Variants in DTNB observed in about 807,000 individuals in gnomAD.
DTNB encodes dystrobrevin beta.
In DTNB, 63 loss-of-function variants were observed where a neutral mutation model predicts 90.7. The ratio of observed to expected loss-of-function variants is 0.69; its 90% CI spans 0.57 to 0.86. The LOEUF (loss-of-function observed/expected upper bound fraction) is 0.86. Among genes scored for constraint, DTNB ranks in the 40% least tolerant of loss-of-function variants. The pLI is 0.00. For synonymous variants in DTNB, 277 were observed against 286.7 expected (o/e 0.97, Z 0.34); for missense variants, 744 against 807.1 (o/e 0.92, Z 0.95).
Position 25,432,638 on chromosome 2 carries a change from C to T in DTNB, c.1457+248G>A, listed in dbSNP as rs76320578. On this transcript the variant is annotated intron_variant, in intron 14 of 20. Transcript: ENST00000406818. ...GCAATCACAGAAGTATAAACAGTGC[C>T]CTGCTGGTCCTGGAGCTGGGAGACT... Among the ~76,000 whole-genome samples the T allele has an allele frequency of 3.1e-4, 47 of 152,240 alleles. No homozygotes were observed. The East Asian group carries it at 5.8e-3, about 19-fold the overall frequency.
intron 6 of DTNB, among the ~76,000 whole-genome samples, chr2:25,588,575 G>A (rs1246260269): frequency 6.6e-6 from 1 of 152,144 alleles, no homozygotes; most frequent in East Asian, 1.9e-4. Flanking sequence ...ATGTTGGCCA[G>A]GATAGTCTCG....
At chr2:25,430,090 T>C (rs937868238) in intron 14 of DTNB, among the ~76,000 whole-genome samples, 2 of 152,068 alleles carry the variant, frequency 1.3e-5, no homozygotes, top group African/African-American at 4.8e-5. Context: ...ACAAAGGTGG[T>C]AGGGAATAAA....
intron 12 of DTNB, among the ~76,000 whole-genome samples, chr2:25,438,114 G>T (rs889742973): frequency 6.6e-6 from 1 of 152,148 alleles, no homozygotes; most frequent in Non-Finnish European, 1.5e-5. Context: ...CCCTGCAGCT[G>T]CTTGGGCTTG....
chr2:25,587,588 G>A (rs368141675), intron 6 of DTNB, among the ~76,000 whole-genome samples: 24 of 152,220 alleles, frequency 1.6e-4, no homozygotes, highest in African/African-American at 5.1e-4. Context: ...GTGGGGAAGC[G>A]GGGGGAAGGG....
intron 6 of DTNB, chr2:25,594,857 G>A (rs2064263393): frequency 6.6e-6 from 1 of 152,100 alleles, no homozygotes; most frequent in Non-Finnish European, 1.5e-5. Context: ...ATCAAAATCA[G>A]GAAGTTAACA....
At chr2:25,651,504 T>A (rs1276826472) in intron 2 of DTNB, among the ~76,000 whole-genome samples, 1 of 152,208 alleles carries the variant, frequency 6.6e-6, no homozygotes, top group Non-Finnish European at 1.5e-5. Context: ...TGGCTTGGAT[T>A]ACTAGCCATT....
intron 16 of DTNB, among the ~76,000 whole-genome samples, chr2:25,390,508 A>AT: frequency 6.7e-6 from 1 of 149,304 alleles, no homozygotes; most frequent in African/African-American, 2.5e-5. Context: ...AAGTGGTGCG[A>AT]TTTTGGCTCA....
intron 20 of DTNB, among the ~76,000 whole-genome samples, chr2:25,378,420 T>C (rs1454554770): frequency 6.6e-6 from 1 of 152,208 alleles, no homozygotes; most frequent in Non-Finnish European, 1.5e-5. Flanking sequence ...GGCAGAGGCC[T>C]TCAATGGCCT....
intron 9 of DTNB, among the ~76,000 whole-genome samples, chr2:25,529,398 G>T (rs2077723128): frequency 1.3e-5 from 2 of 152,010 alleles, no homozygotes; most frequent in South Asian, 4.2e-4. Context: ...TATGTGAAAG[G>T]GCCATCTTTA....
At chr2:25,436,731 G>A (rs1297649614) in intron 12 of DTNB, among the ~76,000 whole-genome samples, 1 of 152,168 alleles carries the variant, frequency 6.6e-6, no homozygotes, top group African/African-American at 2.4e-5. Flanking sequence ...AGTCTTGTGA[G>A]AGCCTGAGTT....
intron 8 of DTNB, among the ~76,000 whole-genome samples, chr2:25,564,616 G>T (rs936980738): frequency 1.3e-4 from 20 of 151,624 alleles, no homozygotes; most frequent in Non-Finnish European, 2.5e-4. Flanking sequence ...TCAAACTCCT[G>T]ACCTCAAGTG....
intron 1 of DTNB, among the ~76,000 whole-genome samples, chr2:25,670,683 G>A (rs1034963831): frequency 1.3e-5 from 2 of 152,210 alleles, no homozygotes; most frequent in Admixed American, 6.5e-5. Flanking sequence ...CCACAGCTCT[G>A]ATGCTCGTGT....
At chr2:25,545,345 C>T (rs1054922521) in intron 8 of DTNB, among the ~76,000 whole-genome samples, 2 of 152,068 alleles carry the variant, frequency 1.3e-5, no homozygotes, top group African/African-American at 4.8e-5. Flanking sequence ...GCTGATTTTC[C>T]CTCACAGTAG....
chr2:25,497,463 C>T (rs1265522172), intron 9 of DTNB: 1 of 152,176 alleles, frequency 6.6e-6, no homozygotes, highest in East Asian at 1.9e-4. Flanking sequence ...CTGTGTCTGC[C>T]AAGCAGTCTA....
At chr2:25,528,611 A>T (rs755655494) in intron 9 of DTNB, among the ~76,000 whole-genome samples, 1 of 152,210 alleles carries the variant, frequency 6.6e-6, no homozygotes, top group African/African-American at 2.4e-5. Context: ...AAATACAAAA[A>T]CTATTTGCAT....
intron 2 of DTNB, among the ~76,000 whole-genome samples, chr2:25,643,193 C>T (rs1303828956): frequency 4.6e-5 from 7 of 152,156 alleles, no homozygotes; most frequent in Non-Finnish European, 8.8e-5. Context: ...CACAGAATCA[C>T]CCAACTGCAC....
chr2:25,493,184 G>A (rs1389744429), intron 9 of DTNB, among the ~76,000 whole-genome samples: 2 of 152,192 alleles, frequency 1.3e-5, no homozygotes, highest in African/African-American at 2.4e-5. Flanking sequence ...GTGAAAGGGG[G>A]AAAGAATTTA....
intron 1 of DTNB, among the ~76,000 whole-genome samples, chr2:25,671,646 T>A (rs997848628): frequency 7.2e-5 from 11 of 152,238 alleles, no homozygotes; most frequent in Middle Eastern, 3.2e-3. Context: ...TTTCTAACCA[T>A]AGGTAGAAAT....
chr2:25,637,665 T>C (rs1026373374), intron 3 of DTNB, among the ~76,000 whole-genome samples: 2 of 152,130 alleles, frequency 1.3e-5, no homozygotes, highest in Admixed American at 6.5e-5. Context: ...TGAGATACCA[T>C]CTCATGCCAG....
Sources: allele counts gnomAD v4.1 joint callset (sites outside exome capture counted in the v4.1 genomes callset), GRCh38; gene constraint gnomAD v4.1.1; transcripts MANE v1.5; gene names NCBI Gene and HGNC (gene_info 2026-07-23, HGNC 2026-07-21).